The following WDR70 variants were observed in gnomAD, a reference collection of about 807,000 sequenced individuals.
WDR70 encodes WD repeat domain 70.
Under a neutral mutation model 88.6 loss-of-function variants are expected in WDR70, and 53 were observed. The observed-to-expected ratio is 0.60, with a 90% CI of 0.48 to 0.75. WDR70 has a LOEUF of 0.75. Among genes scored for constraint, WDR70 ranks in the 30% least tolerant of loss-of-function variants. The pLI, the probability that WDR70 is intolerant of heterozygous loss-of-function variation, is 0.00. For missense variants in WDR70, 610 were observed against 823.2 expected (o/e 0.74, Z 3.17); for synonymous variants, 280 against 270.0 (o/e 1.04, Z -0.36).
intron 9 of WDR70, among the ~76,000 whole-genome samples, chr5:37,584,316 G>A (rs1041407537): frequency 3.3e-5 from 5 of 152,142 alleles, no homozygotes; most frequent in Non-Finnish European, 7.3e-5. Context: ...GACATTTCAC[G>A]ATTTCTTCGA....
At chr5:37,621,170 C>A (rs1265822089) in intron 10 of WDR70, among the ~76,000 whole-genome samples, 1 of 152,048 alleles carries the variant, frequency 6.6e-6, no homozygotes, top group Non-Finnish European at 1.5e-5. Context: ...CAATCCAGTC[C>A]AATTTCTCGA....
chr5:37,524,335 TA>T (rs1741191413), intron 9 of WDR70, among the ~76,000 whole-genome samples: 1 of 152,114 alleles, frequency 6.6e-6, no homozygotes, highest in Non-Finnish European at 1.5e-5. Context: ...TCAACATTCT[TA>T]AAGAAAAGAA....
intron 5 of WDR70, among the ~76,000 whole-genome samples, chr5:37,397,713 G>A (rs1437258403): frequency 6.6e-6 from 1 of 152,130 alleles, no homozygotes; most frequent in Non-Finnish European, 1.5e-5. Context: ...GTAATTGCCC[G>A]GCAGGGCATA....
At chr5:37,614,155 A>G (rs1358643619) in intron 10 of WDR70, among the ~76,000 whole-genome samples, 2 of 152,200 alleles carry the variant, frequency 1.3e-5, no homozygotes, top group African/African-American at 4.8e-5. Flanking sequence ...TCCTTTCTGG[A>G]GGCTCCAGGG....
At chr5:37,474,096 C>A (rs1220577177) in intron 7 of WDR70, among the ~76,000 whole-genome samples, 3 of 151,936 alleles carry the variant, frequency 2.0e-5, no homozygotes, top group Admixed American at 2.0e-4. Flanking sequence ...CTAAGGATTA[C>A]TTATAGGTAT....
chr5:37,443,105 A>G (rs1750704542), intron 6 of WDR70, 134 bp from the exon 7 acceptor site: 13 of 900,136 alleles, frequency 1.4e-5, no homozygotes, highest in Non-Finnish European at 3.3e-6. Flanking sequence ...GCTTTTCAGA[A>G]GTAACAATAG....
intron 13 of WDR70, 107 bp from the exon 14 acceptor site, chr5:37,721,008 C>A: frequency 1.1e-6 from 1 of 903,830 alleles, no homozygotes; most frequent in Non-Finnish European, 1.7e-6. Flanking sequence ...TAGAGGTAAA[C>A]CATCAGGATG....
At chr5:37,483,776 AC>A (rs1339334754) in intron 8 of WDR70, among the ~76,000 whole-genome samples, 2 of 123,836 alleles carry the variant, frequency 1.6e-5, no homozygotes, top group South Asian at 2.7e-4. Flanking sequence ...GCGGGGGCTG[AC>A]CCCCCACCTC....
At chr5:37,739,070 A>G (rs1748389292) in intron 17 of WDR70, among the ~76,000 whole-genome samples, 1 of 152,214 alleles carries the variant, frequency 6.6e-6, no homozygotes, top group Non-Finnish European at 1.5e-5. Context: ...AATCAAGTGG[A>G]AAATGTTTAC....
intron 10 of WDR70, among the ~76,000 whole-genome samples, chr5:37,628,252 G>A (rs1454211460): frequency 6.6e-6 from 1 of 152,114 alleles, no homozygotes; most frequent in Non-Finnish European, 1.5e-5. Flanking sequence ...ATGTTCCTTT[G>A]TTGATTTTCT....
intron 9 of WDR70, among the ~76,000 whole-genome samples, chr5:37,565,873 A>G (rs565215016): frequency 3.2e-4 from 49 of 152,130 alleles, no homozygotes; most frequent in Admixed American, 1.2e-3. Flanking sequence ...TGTTCAGCAT[A>G]TTAGATATGG....
chr5:37,464,159 A>G (rs1739091930), intron 7 of WDR70, among the ~76,000 whole-genome samples: 1 of 152,246 alleles, frequency 6.6e-6, no homozygotes, highest in African/African-American at 2.4e-5. Context: ...TCATCAGAAG[A>G]AACAAAGTGA....
intron 5 of WDR70, among the ~76,000 whole-genome samples, chr5:37,431,576 A>G (rs200831074): frequency 4.3e-4 from 66 of 152,320 alleles, no homozygotes; most frequent in East Asian, 3.9e-3. Context: ...AACACATAAC[A>G]TAAAGTTTAC....
intron 9 of WDR70, among the ~76,000 whole-genome samples, chr5:37,589,786 G>A (rs1743473947): frequency 6.6e-6 from 1 of 152,040 alleles, no homozygotes; most frequent in South Asian, 2.1e-4. Flanking sequence ...TATTTGTATA[G>A]AGACAGGGTT....
chr5:37,622,672 A>G (rs535524615), intron 10 of WDR70, among the ~76,000 whole-genome samples: 1 of 152,012 alleles, frequency 6.6e-6, no homozygotes, highest in South Asian at 2.1e-4. Context: ...GTTCTCACTC[A>G]TAGGTGGGAA....
chr5:37,506,948 C>A (rs1469450383), intron 8 of WDR70: 21 of 737,558 alleles, frequency 2.8e-5, no homozygotes, highest in Middle Eastern at 3.9e-4. Context: ...TCCCTTCCCT[C>A]CACCCACTTG....
intron 5 of WDR70, among the ~76,000 whole-genome samples, chr5:37,422,025 C>A (rs545841368): frequency 6.6e-6 from 1 of 152,106 alleles, no homozygotes; most frequent in East Asian, 1.9e-4. Context: ...GGCCATCCTT[C>A]TCCCTGGCAA....
chr5:37,528,909 T>G (rs902010640), intron 9 of WDR70, among the ~76,000 whole-genome samples: 9 of 132,200 alleles, frequency 6.8e-5, no homozygotes, highest in African/African-American at 1.1e-4. Flanking sequence ...CTAGAGGGGG[T>G]TTTTTTTTTT....
chr5:37,479,723 T>TA, intron 7 of WDR70, 111 bp from the exon 8 acceptor site: 2 of 1,269,120 alleles, frequency 1.6e-6, no homozygotes. Flanking sequence ...TTTTGTGGAA[T>TA]TATCAATTTG....
Sources: gnomAD v4.1 joint callset for allele counts (sites outside exome capture counted in the v4.1 genomes callset) on GRCh38, gnomAD v4.1.1 for gene constraint, MANE v1.5 for transcripts, NCBI Gene and HGNC (gene_info 2026-07-23, HGNC 2026-07-21) for gene names.